The following MTFR1 variants were observed in gnomAD, a reference collection of about 807,000 sequenced individuals.
MTFR1 encodes mitochondrial fission regulator 1, also known as chondrocyte protein with a poly-proline region.
A neutral mutation model predicts 38.8 loss-of-function variants in MTFR1; 28 were observed. The observed-to-expected ratio is 0.72, with a 90% CI of 0.53 to 0.99. The LOEUF (loss-of-function observed/expected upper bound fraction) is 0.99, where lower values mean the gene tolerates loss of function less well. Among genes scored for constraint, MTFR1 ranks in the 50% least tolerant of loss-of-function variants. The pLI is 0.00. For missense variants in MTFR1, 358 were observed against 395.5 expected (o/e 0.91, Z 0.81); for synonymous variants, 145 against 137.0 (o/e 1.06, Z -0.41).
At chr8:65,777,309 C>A in the MTFR1 span, among the ~76,000 whole-genome samples, 2 of 151,940 alleles carry the variant, frequency 1.3e-5, no homozygotes, top group Non-Finnish European at 2.9e-5. Context: ...GAACTCCCGA[C>A]CTCAGATGAT....
At chr8:65,766,512 A>G (rs943259869) in intron 3 of MTFR1, among the ~76,000 whole-genome samples, 10 of 152,216 alleles carry the variant, frequency 6.6e-5, no homozygotes, top group South Asian at 4.1e-4. Flanking sequence ...CTGCCATAGT[A>G]AAAAATGATG....
rs1346092600 is a variant in MTFR1, at chr8:65,707,163, CTT to C, written c.673_674del (p.Leu225GlyfsTer2). 1.2e-6 allele frequency: 2 copies of C among 1,612,054 alleles called. No individual in the cohort carries two copies. The highest frequency in any genetic ancestry group is 2.7e-5 in the African/African-American group (2 of 74,826). ...GAGAAAAGAGCCAATGCTGGAAAGA[CTT>C]TGGTTAAGAACAATCCAAAGAAACC... On this transcript the variant is annotated frameshift_variant, in exon 6 of 8. Transcript: ENST00000262146. LOFTEE classifies it high-confidence loss of function.
chr8:65,708,917 G>C, intron 7 of MTFR1, 59 bp from the exon 8 acceptor site: 1 of 1,510,888 alleles, frequency 6.6e-7, no homozygotes, highest in Non-Finnish European at 9.2e-7. Flanking sequence ...GGAGGTGGGG[G>C]CGTATCGTTA....
rs1451769115 is a variant in MTFR1 at position 65,761,066 on chromosome 8, T to TC, written c.*49-9881_*49-9880insC. Among the ~76,000 whole-genome samples the TC allele has an allele frequency of 5.7e-4, 84 of 146,286 alleles. No individual in the cohort carries two copies. In the Middle Eastern group the frequency reaches 0.021, roughly 37 times the overall value. ...CCTTCTTACCAATATTGTTTTTTCT[T>TC]TTTTTTTTTTTTAGACGGAGTCTCG... is the stretch of plus-strand genomic sequence containing the variant. On this transcript the variant is annotated intron_variant, in intron 3 of 3. Coordinates refer to the MTFR1 transcript ENST00000521247.
intron 1 of MTFR1, among the ~76,000 whole-genome samples, chr8:65,669,323 C>T (rs1043557607): frequency 2.0e-5 from 3 of 152,152 alleles, no homozygotes; most frequent in African/African-American, 7.2e-5. Flanking sequence ...CAGTTTTGAA[C>T]GTCCTTGGTT....
chr8:65,742,020 C>G (rs1248597484), intron 3 of MTFR1, among the ~76,000 whole-genome samples: 1 of 152,246 alleles, frequency 6.6e-6, no homozygotes, highest in African/African-American at 2.4e-5. Flanking sequence ...AAGATACCAA[C>G]TGAGGATTAT....
intron 1 of MTFR1, among the ~76,000 whole-genome samples, chr8:65,663,516 A>G (rs193213006): frequency 0.016 from 2,385 of 145,250 alleles, 43 homozygotes; most frequent in South Asian, 0.11. Flanking sequence ...GAAACACCCA[A>G]GAATGATCAA....
At chr8:65,774,332 A>G (rs140366723), downstream of MTFR1, among the ~76,000 whole-genome samples, 249 of 152,332 alleles carry the variant, frequency 1.6e-3, 3 homozygotes, top group Admixed American at 0.014. Context: ...ATAAAAAGTT[A>G]TATTTGCTTT....
chr8:65,719,660 A>G (rs575772849), intron 3 of MTFR1: 89 of 586,606 alleles, frequency 1.5e-4, no homozygotes, highest in African/African-American at 1.4e-3. Context: ...TGTAATGTAC[A>G]TATCCACTTT....
At chr8:65,761,705 T>G (rs1808502779) in intron 3 of MTFR1, among the ~76,000 whole-genome samples, 1 of 152,236 alleles carries the variant, frequency 6.6e-6, no homozygotes, top group Non-Finnish European at 1.5e-5. Context: ...TGATCACGGG[T>G]ATTACTTCCA....
chr8:65,727,127 A>G (rs542245927), intron 3 of MTFR1: 1 of 1,234,864 alleles, frequency 8.1e-7, no homozygotes, highest in South Asian at 1.3e-5. Context: ...AAGATTTTCT[A>G]GAATGCAAAA....
intron 3 of MTFR1, among the ~76,000 whole-genome samples, chr8:65,688,663 C>T (rs1805175327): frequency 6.7e-6 from 1 of 149,346 alleles, no homozygotes. Flanking sequence ...CCAGGATGGT[C>T]TCGATCTCCT....
chr8:65,746,718 A>T (rs1170909761), intron 3 of MTFR1, among the ~76,000 whole-genome samples: 2 of 152,218 alleles, frequency 1.3e-5, no homozygotes, highest in Non-Finnish European at 2.9e-5. Flanking sequence ...ACTAATAACA[A>T]CAAATGACAT....
At chr8:65,697,497 A>T (rs540810749) in intron 4 of MTFR1, among the ~76,000 whole-genome samples, 2 of 152,336 alleles carry the variant, frequency 1.3e-5, no homozygotes, top group African/African-American at 4.8e-5. Flanking sequence ...ATTGGTATGG[A>T]TGTATTACAG....
intron 3 of MTFR1, among the ~76,000 whole-genome samples, chr8:65,766,275 T>C (rs1052116090): frequency 1.3e-5 from 2 of 152,350 alleles, no homozygotes; most frequent in East Asian, 1.9e-4. Context: ...AAAATCAATA[T>C]GGAATTTATT....
chr8:65,644,234 A>C (rs1302544286), upstream of MTFR1, among the ~76,000 whole-genome samples: 2 of 152,174 alleles, frequency 1.3e-5, no homozygotes, highest in Non-Finnish European at 2.9e-5. Flanking sequence ...TGGTAAAGTA[A>C]AATACTTATC....
At chr8:65,708,936 TG>T in intron 7 of MTFR1, 39 bp from the exon 8 acceptor site, 1 of 1,600,064 alleles carries the variant, frequency 6.2e-7, no homozygotes, top group Non-Finnish European at 8.6e-7. Context: ...TACTGTTACT[TG>T]AACCAATATC....
intron 1 of MTFR1, among the ~76,000 whole-genome samples, chr8:65,667,759 A>G (rs1024010404): frequency 1.3e-5 from 2 of 152,198 alleles, no homozygotes; most frequent in East Asian, 1.9e-4. Context: ...CAACTATTCT[A>G]CCATATTGAG....
intron 1 of MTFR1, among the ~76,000 whole-genome samples, chr8:65,667,560 TG>T (rs1804423305): frequency 4.6e-5 from 7 of 152,024 alleles, no homozygotes; most frequent in Admixed American, 4.6e-4. Context: ...CCCAAGTAGC[TG>T]GGATTACAGG....
Sources: allele counts gnomAD v4.1 joint callset (sites outside exome capture counted in the v4.1 genomes callset), GRCh38; gene constraint gnomAD v4.1.1; transcripts MANE v1.5; gene names NCBI Gene and HGNC (gene_info 2026-07-23, HGNC 2026-07-21).